SH3RF1: variants seen among roughly 807,000 people sequenced by gnomAD.
SH3RF1 encodes SH3 domain containing ring finger 1.
Under a neutral mutation model 74.0 loss-of-function variants are expected in SH3RF1, and 32 were observed. The observed-to-expected ratio is 0.43, with a 90% CI of 0.33 to 0.58. SH3RF1 has a LOEUF of 0.58. Ranked by LOEUF, SH3RF1 falls within the 20% of genes least tolerant of loss-of-function variation. The probability of loss-of-function intolerance (pLI) is 0.05; values close to 1 mark genes in which losing one functional copy is unlikely to be tolerated. For missense variants in SH3RF1, 954 were observed against 1,130.9 expected, an observed-to-expected ratio of 0.84 and a Z score of 2.24; for synonymous variants, 396 against 439.6, an observed-to-expected ratio of 0.90 and a Z score of 1.24.
intron 2 of SH3RF1, among the ~76,000 whole-genome samples, chr4:169,196,490 A>G (rs1734814088): frequency 1.3e-5 from 2 of 152,230 alleles, no homozygotes; most frequent in African/African-American, 2.4e-5. Flanking sequence ...CTGTTAGTAG[A>G]AGTAATTTGA....
At chr4:169,172,297 T>A (rs970904336) in intron 2 of SH3RF1, among the ~76,000 whole-genome samples, 6 of 152,248 alleles carry the variant, frequency 3.9e-5, no homozygotes, top group African/African-American at 1.4e-4. Context: ...TGTGTCCAGT[T>A]ACAGAAAGGA....
chr4:169,136,312 A>T lies in SH3RF1; in HGVS notation c.1068+6T>A. The T allele has an allele frequency of 3.5e-6, 5 of 1,416,366 alleles. No homozygotes were observed. The highest frequency in any genetic ancestry group is 4.6e-6 in the Non-Finnish European group (5 of 1,078,152). The allele number at this position is 1,416,366 out of a possible 1,614,324, so 87.7% of individuals were successfully genotyped here. ...CTTTTTATATAACACTTGTTTGAGG[A>T]TTTACCTGAGAAGGGGCACTGCAGG... is the stretch of plus-strand genomic sequence containing the variant. On this transcript the variant is annotated splice_donor_region_variant and intron_variant, in intron 5 of 11. Coordinates refer to ENST00000284637, the MANE Select transcript of SH3RF1 (RefSeq NM_020870.4).
At chr4:169,248,595 G>A (rs889495108) in intron 2 of SH3RF1, among the ~76,000 whole-genome samples, 8 of 152,234 alleles carry the variant, frequency 5.3e-5, no homozygotes, top group Middle Eastern at 6.8e-3. Flanking sequence ...CATGGCACAT[G>A]TATATCTATG....
chr4:169,104,775 C>T (rs1336793995), intron 11 of SH3RF1, among the ~76,000 whole-genome samples: 1 of 151,868 alleles, frequency 6.6e-6, no homozygotes, highest in African/African-American at 2.4e-5. Flanking sequence ...GTGGTGTGTG[C>T]CTGCAATCCC....
intron 8 of SH3RF1, among the ~76,000 whole-genome samples, chr4:169,118,525 T>A (rs896112843): frequency 6.6e-6 from 1 of 152,168 alleles, no homozygotes; most frequent in Admixed American, 6.5e-5. Flanking sequence ...AGTGGTGCGA[T>A]CTCAGCTCAC....
At chr4:169,201,604 C>T (rs1157985643) in intron 2 of SH3RF1, among the ~76,000 whole-genome samples, 1 of 152,152 alleles carries the variant, frequency 6.6e-6, no homozygotes, top group Non-Finnish European at 1.5e-5. Flanking sequence ...AACAACTTTG[C>T]TATTCCTTAG....
In SH3RF1 at chr4:169,096,667, T is replaced by C. The variant is rs1313873246; in HGVS notation, c.2519A>G (p.Tyr840Cys). The change falls in exon 12 of 12, where the codon TAT (tyrosine) becomes TGT (cysteine). Residue 840 changes from tyrosine (Y) to cysteine (C), a missense_variant. Transcript: ENST00000284637. ...VCERHRVVVS[Y>C]PPQSEAELEL... ...AAGTTCTGCCTCACTCTGAGGAGGA[T>C]AGGAAACCACCACCCTGTGCCTAGA... 5.0e-6 allele frequency: 8 copies of C among 1,613,612 alleles called. No individual in the cohort carries two copies. The highest frequency in any genetic ancestry group is 1.3e-5 in the African/African-American group (1 of 74,900).
At chr4:169,233,271 A>C (rs34099789) in intron 2 of SH3RF1, among the ~76,000 whole-genome samples, 1 of 151,538 alleles carries the variant, frequency 6.6e-6, no homozygotes, top group African/African-American at 2.4e-5. Flanking sequence ...AAAAAAAAAA[A>C]AACCGTGGTT....
chr4:169,165,088 C>A (rs972713757), intron 2 of SH3RF1, among the ~76,000 whole-genome samples: 4 of 152,200 alleles, frequency 2.6e-5, no homozygotes, highest in African/African-American at 9.7e-5. Flanking sequence ...AGATTCTCTG[C>A]AGTAACTTGA....
intron 2 of SH3RF1, among the ~76,000 whole-genome samples, chr4:169,253,584 T>C (rs942284092): frequency 6.6e-6 from 1 of 152,246 alleles, no homozygotes; most frequent in Admixed American, 6.5e-5. Context: ...TGAATGTGCA[T>C]GTTGCCTCTC....
At chr4:169,109,356 A>G in intron 10 of SH3RF1, among the ~76,000 whole-genome samples, 1 of 152,374 alleles carries the variant, frequency 6.6e-6, no homozygotes, top group East Asian at 1.9e-4. Flanking sequence ...GTGATTAAGA[A>G]GAAAGATGAC....
At chr4:169,122,388 T>A in intron 6 of SH3RF1, 122 bp from the exon 7 acceptor site, 1 of 1,120,206 alleles carries the variant, frequency 8.9e-7, no homozygotes, top group South Asian at 1.6e-5. Flanking sequence ...TTTAATGGAA[T>A]CCACACAGGG....
intron 2 of SH3RF1, among the ~76,000 whole-genome samples, chr4:169,199,614 C>T (rs1323637855): frequency 2.0e-5 from 3 of 149,664 alleles, no homozygotes; most frequent in Admixed American, 6.6e-5. Flanking sequence ...TTAGTGAATG[C>T]GCAAAAAAAA....
intron 2 of SH3RF1, among the ~76,000 whole-genome samples, chr4:169,242,554 G>A (rs1730929836): frequency 6.6e-6 from 1 of 152,112 alleles, no homozygotes; most frequent in Non-Finnish European, 1.5e-5. Flanking sequence ...CAAATTCTGT[G>A]GATCTGAGGT....
chr4:169,245,017 C>T lies in SH3RF1; in HGVS notation c.393+23803G>A, dbSNP rs182542506. On this transcript the variant is annotated intron_variant, in intron 2 of 11. Coordinates refer to ENST00000284637, the MANE Select transcript of SH3RF1 (RefSeq NM_020870.4). The stretch of plus-strand genomic sequence containing the variant: ...AGTACATATACTCGTATTCTGTAAG[C>T]GGATATTCCATCTTAATGATAGTAG... 1.4e-4 allele frequency among the ~76,000 whole-genome samples: 22 copies of T among 152,220 alleles called. No individual in the cohort carries two copies. In the East Asian group the frequency reaches 3.1e-3, roughly 21 times the overall value.
At chr4:169,099,234 G>T (rs908277068) in intron 11 of SH3RF1, among the ~76,000 whole-genome samples, 10 of 152,184 alleles carry the variant, frequency 6.6e-5, no homozygotes, top group Non-Finnish European at 1.5e-4. Flanking sequence ...GACTACAGGT[G>T]TGTGCCACCA....
At chr4:169,104,004 T>C (rs184728736) in intron 11 of SH3RF1, among the ~76,000 whole-genome samples, 1 of 152,306 alleles carries the variant, frequency 6.6e-6, no homozygotes, top group Non-Finnish European at 1.5e-5. Flanking sequence ...TGCCATCACC[T>C]GTCTGAGCTA....
rs548771002 is a variant in SH3RF1, at chr4:169,261,020, T to C, written c.393+7800A>G. On this transcript the variant is annotated intron_variant, in intron 2 of 11. Coordinates refer to ENST00000284637, the MANE Select transcript of SH3RF1 (RefSeq NM_020870.4). ...ATTTATTCAACAAACCTCTTGTGAG[T>C]GTGTACTCTGTGCCAGACACTACAA... is the stretch of plus-strand genomic sequence containing the variant. 2.6e-5 allele frequency among the ~76,000 whole-genome samples: 4 copies of C among 152,342 alleles called. No homozygotes were observed. In the East Asian group the frequency reaches 7.7e-4, roughly 29 times the overall value.
At chr4:169,195,719 A>G (rs896563154) in intron 2 of SH3RF1, among the ~76,000 whole-genome samples, 1 of 152,096 alleles carries the variant, frequency 6.6e-6, no homozygotes, top group African/African-American at 2.4e-5. Context: ...TTATAAACCT[A>G]TGTAGTGAGT....
Sources: gnomAD v4.1 joint callset for allele counts (sites outside exome capture counted in the v4.1 genomes callset) on GRCh38, gnomAD v4.1.1 for gene constraint, MANE v1.5 for transcripts, NCBI Gene and HGNC (gene_info 2026-07-23, HGNC 2026-07-21) for gene names.